FLII: variants seen among roughly 807,000 people sequenced by gnomAD.
FLII encodes FLII actin remodeling protein, also known as protein flightless-1 homolog.
FLII carries 101 observed loss-of-function variants against 156.2 expected under a neutral mutation model. The ratio of observed to expected loss-of-function variants is 0.65; its 90% CI spans 0.55 to 0.76. The LOEUF (loss-of-function observed/expected upper bound fraction) is 0.76, where lower values mean the gene tolerates loss of function less well. FLII is among the 30% of genes least tolerant of loss of function. The probability of loss-of-function intolerance (pLI) is 0.00; values close to 1 mark genes in which losing one functional copy is unlikely to be tolerated. For synonymous variants in FLII, 767 were observed against 685.8 expected, an observed-to-expected ratio of 1.12 and a Z score of -1.85; for missense variants, 1,675 against 1,682.8, an observed-to-expected ratio of 1.00 and a Z score of 0.08.
Position 18,250,974 on chromosome 17 carries a change from T to C in FLII, c.1640A>G (p.Tyr547Cys), listed in dbSNP as rs1567712265. 6.2e-7 allele frequency: 1 copy of C among 1,613,796 alleles called. No homozygotes were observed. Among genetic ancestry groups the C allele is most frequent in the Non-Finnish European group, 8.5e-7 (1 of 1,179,888 alleles). Residue 547 changes from tyrosine (Y) to cysteine (C), a missense_variant, in exon 14 of 30, where the codon TAC becomes TGC. Coordinates refer to ENST00000327031, the MANE Select transcript of FLII (RefSeq NM_002018.4). ...GAGTGTGGCCTCCCCGCCAATCCAG[T>C]AGTAGATCTCCCAGTTGAGGGAGCC... The part of the protein sequence containing the change: ...DSGSLNWEIY[Y>C]WIGGEATLDK...
chr17:18,248,454 ATGGAGC>A, intron 18 of FLII, 90 bp downstream of exon 18: 4 of 1,220,876 alleles, frequency 3.3e-6, no homozygotes, highest in Admixed American at 2.4e-5. Flanking sequence ...CAAAGTCGAG[ATGGAGC>A]CCAAAGCCAA....
chr17:18,256,825 G>T, intron 2 of FLII, 84 bp downstream of exon 2: 1 of 934,500 alleles, frequency 1.1e-6, no homozygotes. Flanking sequence ...TCCTCTCTCT[G>T]GAGAAGTTGT....
At position 18,247,204 on chromosome 17, in the gene FLII, A is replaced by G; in HGVS notation, c.2641T>C (p.Phe881Leu). 6.4e-7 allele frequency: 1 copy of G among 1,551,740 alleles called. No homozygotes were observed. The highest frequency in any genetic ancestry group is 8.7e-7 in the Non-Finnish European group (1 of 1,155,102). ...DQMKADLTAL[F>L]LPRQPPMSLA... ...GACATGGGCGGCTGCCGCGGCAGGA[A>G]AAGCGCAGTGAGGTCAGCCTTCATC... The change falls in exon 21 of 30, where the codon TTC becomes CTC. Residue 881 changes from phenylalanine (F) to leucine (L), a missense_variant. By Grantham distance (22) the Phe-to-Leu change is conservative (BLOSUM62 0). Coordinates refer to ENST00000327031, the MANE Select transcript of FLII (RefSeq NM_002018.4).
intron 28 of FLII, 53 bp downstream of exon 28, chr17:18,245,498 TGTAA>T (rs529202291): frequency 6.8e-5 from 109 of 1,611,416 alleles, no homozygotes; most frequent in African/African-American, 5.9e-4. Context: ...AATTCCCATT[TGTAA>T]GTAAGTCTAT....
Position 18,257,088 on chromosome 17 carries a change from T to C in FLII, c.64-69A>G, listed in dbSNP as rs773058528. ...CACCTTCTATGGCTCCTCCAGCCCA[T>C]GGGAGCCTTTGGGGAGCCACAGAAC... On this transcript the variant is annotated intron_variant, in intron 1 of 29. Transcript: ENST00000327031. 1.3e-5 allele frequency: 13 copies of C among 976,546 alleles called. No individual in the cohort carries two copies. The African/African-American group carries it at 2.1e-4, about 16-fold the overall frequency. The allele number at this position is 976,546 out of a possible 1,614,324, so 60.5% of individuals were successfully genotyped here. A position where few individuals can be genotyped will look rare whatever the true frequency, so the allele number is the denominator to read the frequency against.
chr17:18,258,707 C>T lies in FLII; in HGVS notation c.-17G>A. 9 of 1,454,672 alleles carry T rather than the reference C, an allele frequency of 6.2e-6. No homozygotes were observed. The highest frequency in any genetic ancestry group is 8.1e-6 in the Non-Finnish European group (9 of 1,108,882). 90.1% of individuals were successfully genotyped at this position (1,454,672 alleles called of 1,614,324 possible). A position where few individuals can be genotyped will look rare whatever the true frequency, so the allele number is the denominator to read the frequency against. On this transcript the variant is annotated 5_prime_UTR_variant, in exon 1 of 30. Transcript: ENST00000327031. This position sits in a 1 kb window ranked among gnomAD's most constrained non-coding sequence, Gnocchi z 4.2. ...GGCCTCCATGGCGCCGCTCTCGCTG[C>T]CGGGCCGCGCCGGGCTAGGGAGCGC...
At chr17:18,246,502 C>T in intron 23 of FLII, 40 bp from the exon 24 acceptor site, 1 of 1,612,774 alleles carries the variant, frequency 6.2e-7, no homozygotes, top group Non-Finnish European at 8.5e-7. Flanking sequence ...CCCTGGACCC[C>T]CACCTGCCCC....
At position 18,248,035 on chromosome 17, in the gene FLII, T is replaced by A. The variant is rs1419773791; in HGVS notation, c.2191-2A>T. ...CAGGTAGCCCAAGCCCAGGCCCACC[T>A]GGCAGGAAGGATGAGCATGGCAGGG... On this transcript the variant is annotated splice_acceptor_variant, in intron 18 of 29. Transcript: ENST00000327031. LOFTEE classifies it high-confidence loss of function. The A allele has an allele frequency of 6.2e-7, 1 of 1,607,384 alleles. No individual in the cohort carries two copies. Among genetic ancestry groups the A allele is most frequent in the Non-Finnish European group, 8.5e-7 (1 of 1,174,882 alleles).
chr17:18,246,871 C>A lies in FLII; in HGVS notation c.2816+42G>T, dbSNP rs371454840. 5 of 1,613,698 alleles carry A rather than the reference C, an allele frequency of 3.1e-6. No homozygotes were observed. In the Admixed American group the frequency reaches 6.7e-5, roughly 22 times the overall value. On this transcript the variant is annotated intron_variant, in intron 22 of 29. Transcript: ENST00000327031. ...TGTGAGCAGGGGCTCGAGCCCCCAGCACCAGGGGAGGGACTTGGGGAAGGG... is the reference window on the plus strand; with the variant it reads ...TGTGAGCAGGGGCTCGAGCCCCCAGAACCAGGGGAGGGACTTGGGGAAGGG...
intron 18 of FLII, 119 bp from the exon 19 acceptor site, chr17:18,248,152 C>T (rs2048149121): frequency 1.5e-6 from 1 of 663,376 alleles, no homozygotes; most frequent in Non-Finnish European, 2.6e-6. Flanking sequence ...GCTTCTGTTT[C>T]CCCCTCCCCT....
rs1314194987 is a variant in FLII, at chr17:18,245,469, C to A, written c.3610-50G>T. ...GGTTGCATGGGTGCCTGGGAACAGC[C>A]CCTTGCTCCTGGCCCGAGAATTCCC... On this transcript the variant is annotated intron_variant, in intron 28 of 29. Coordinates refer to ENST00000327031, the MANE Select transcript of FLII (RefSeq NM_002018.4). 27 of 1,612,730 alleles carry A rather than the reference C, an allele frequency of 1.7e-5. 1 individual carries two copies. Among genetic ancestry groups the A allele is most frequent in the African/African-American group, 2.7e-5 (2 of 74,908 alleles).
rs147081178 is a variant in FLII at position 18,245,231 on chromosome 17, C to T, written c.3717G>A (p.Pro1239=). Residue 1239 remains proline, a synonymous_variant, in exon 30 of 30, where the codon CCG becomes CCA. Coordinates refer to ENST00000327031, the MANE Select transcript of FLII (RefSeq NM_002018.4). ...QHMRSKEHER[P]RRLRLVRKGN... ...CCTTGCGGACCAGGCGCAGCCGGCG[C>T]GGCCGCTCATGTTCCTTGGACCGCA... 2.0e-5 allele frequency: 32 copies of T among 1,613,852 alleles called. 1 individual carries two copies. The highest frequency in any genetic ancestry group is 3.3e-4 in the Middle Eastern group (2 of 6,060).
intron 18 of FLII, 52 bp from the exon 19 acceptor site, chr17:18,248,085 AC>A: frequency 1.6e-6 from 2 of 1,286,090 alleles, no homozygotes; most frequent in Non-Finnish European, 2.2e-6. Flanking sequence ...CAGGAACCTC[AC>A]CCACACAGCC....
intron 28 of FLII, 58 bp downstream of exon 28, chr17:18,245,495 ATT>A (rs1267196526): frequency 6.2e-7 from 1 of 1,611,598 alleles, no homozygotes; most frequent in Non-Finnish European, 8.5e-7. Context: ...GAGAATTCCC[ATT>A]TGTAAGTAAG....
In FLII at chr17:18,254,422, G is replaced by GCCT. The variant is rs2048357054; in HGVS notation, c.575+98_575+99insAGG. The GCCT allele has an allele frequency of 3.2e-6, 4 of 1,239,160 alleles. No homozygotes were observed. In the South Asian group the frequency reaches 6.0e-5, roughly 19 times the overall value. 76.8% of individuals were successfully genotyped at this position (1,239,160 alleles called of 1,614,324 possible). ...GTGCTGCCTGCACGGAGGGATGGCTGGGCCTAAGGGAGAAGGGTTAGGGCC... is the reference window on the plus strand; with the variant it reads ...GTGCTGCCTGCACGGAGGGATGGCTGCCTGGCCTAAGGGAGAAGGGTTAGGGCC... On this transcript the variant is annotated intron_variant, in intron 6 of 29. Coordinates refer to ENST00000327031, the MANE Select transcript of FLII (RefSeq NM_002018.4).
chr17:18,253,263 C>G (rs1312570916), intron 9 of FLII, 38 bp downstream of exon 9: 3 of 1,611,080 alleles, frequency 1.9e-6, no homozygotes, highest in Non-Finnish European at 8.5e-7. Context: ...GTTCTCTGTG[C>G]TGCAAGTGCC....
At position 18,252,457 on chromosome 17, in the gene FLII, C is replaced by T; in HGVS notation, c.1098+15G>A. 6.2e-7 allele frequency: 1 copy of T among 1,612,456 alleles called. No homozygotes were observed. The highest frequency in any genetic ancestry group is 8.5e-7 in the Non-Finnish European group (1 of 1,178,912). ...CTTGTCTCTCTTGAGCCCTCTCAAA[C>T]CCAGCATGCCTGACCTCGATCTCCG... On this transcript the variant is annotated intron_variant, in intron 10 of 29. Transcript: ENST00000327031.
At chr17:18,257,219 G>C (rs1263267437) in intron 1 of FLII, 200 bp from the exon 2 acceptor site, 2 of 546,654 alleles carry the variant, frequency 3.7e-6, no homozygotes, top group Non-Finnish European at 6.5e-6. Flanking sequence ...CAAAAGTGTT[G>C]GCCTAAGATT....
At chr17:18,256,725 C>T in intron 2 of FLII, 128 bp from the exon 3 acceptor site, 1 of 872,002 alleles carries the variant, frequency 1.1e-6, no homozygotes, top group Non-Finnish European at 1.8e-6. Context: ...CTGCAGCTTC[C>T]CTCCCTCACT....
Sources: allele counts gnomAD v4.1 joint callset, GRCh38; gene constraint gnomAD v4.1.1; non-coding constraint Gnocchi (gnomAD v3.1); transcripts MANE v1.5; gene names NCBI Gene and HGNC (gene_info 2026-07-23, HGNC 2026-07-21).